The following SMARCA4 variants were observed in gnomAD, a reference collection of about 807,000 sequenced individuals.
SMARCA4 encodes the protein SWI/SNF-related matrix-associated actin-dependent regulator of chromatin subfamily A member 4.
In SMARCA4, 31 loss-of-function variants were observed where a neutral mutation model predicts 193.9. That is an observed-to-expected ratio of 0.16 (90% confidence interval 0.12 to 0.22). The LOEUF (loss-of-function observed/expected upper bound fraction) is 0.22. Ranked by LOEUF, SMARCA4 falls within the 10% of genes least tolerant of loss-of-function variation. The pLI is 1.00. For synonymous variants in SMARCA4, 942 were observed against 933.1 expected (o/e 1.01, Z -0.17); for missense variants, 1,148 against 2,296.0 (o/e 0.50, Z 10.22).
At chr19:10,963,370 CAAAAAAAAAAA>C (rs755616481) in intron 1 of SMARCA4, among the ~76,000 whole-genome samples, 6 of 53,134 alleles carry the variant, frequency 1.1e-4, no homozygotes, top group African/African-American at 3.5e-4. Flanking sequence ...AAGACTGTCT[CAAAAAAAAAAA>C]AAAAAAAAAA....
At chr19:11,023,682 T>G (rs2090035812) in intron 20 of SMARCA4, 51 bp downstream of exon 20, 1 of 1,150,062 alleles carries the variant, frequency 8.7e-7, no homozygotes. Context: ...ACGTGGGGGC[T>G]TTCTCCAGGG....
At chr19:11,026,979 A>T (rs1373414524) in intron 23 of SMARCA4, among the ~76,000 whole-genome samples, 1 of 152,202 alleles carries the variant, frequency 6.6e-6, no homozygotes, top group African/African-American at 2.4e-5. Context: ...CACTCTTTAC[A>T]TCATGTGGGT....
At chr19:10,969,680 T>G (rs1232612998) in intron 1 of SMARCA4, among the ~76,000 whole-genome samples, 1 of 152,176 alleles carries the variant, frequency 6.6e-6, no homozygotes, top group Non-Finnish European at 1.5e-5. Flanking sequence ...TCCACCTGCC[T>G]CAGCCTCCCG....
intron 1 of SMARCA4, among the ~76,000 whole-genome samples, chr19:10,980,266 A>G (rs2085455627): frequency 6.6e-6 from 1 of 152,070 alleles, no homozygotes; most frequent in Non-Finnish European, 1.5e-5. Context: ...TTTCAGGAGG[A>G]GAGGCCATTC....
chr19:10,978,675 C>T (rs528150608), intron 1 of SMARCA4, among the ~76,000 whole-genome samples: 218 of 149,958 alleles, frequency 1.5e-3, no homozygotes, highest in African/African-American at 4.6e-3. Context: ...TGTGGTGGCT[C>T]GTGCCTGTAA....
At chr19:10,964,403 C>G (rs888958754) in intron 1 of SMARCA4, among the ~76,000 whole-genome samples, 2 of 149,326 alleles carry the variant, frequency 1.3e-5, no homozygotes, top group African/African-American at 4.9e-5. Context: ...CTCTGCCTCC[C>G]GGGTTCAAGC....
rs2146452468 is a variant in SMARCA4 at position 11,023,539 on chromosome 19, A to G, written c.2881A>G (p.Thr961Ala). ...GEKVDLNEEE[T>A]ILIIRRLHKV... ...CCAGGTGGACCTGAATGAGGAGGAA[A>G]CCATTCTCATCATCCGGCGTCTCCA... The change falls in exon 20 of 35, where the codon ACC (threonine) becomes GCC (alanine). Residue 961 changes from threonine (T) to alanine (A), a missense_variant. Thr to Ala is a moderately conservative substitution (Grantham distance 58). This residue lies in a region of SMARCA4 where 74 missense variants were observed against 392.3 expected (regional missense o/e 0.19). Transcript: ENST00000344626. 1 of 1,612,076 alleles carries G rather than the reference A, an allele frequency of 6.2e-7. No homozygotes were observed. The highest frequency in any genetic ancestry group is 8.5e-7 in the Non-Finnish European group (1 of 1,178,526).
At chr19:10,998,382 G>T (rs1336261140) in intron 11 of SMARCA4, among the ~76,000 whole-genome samples, 2 of 152,124 alleles carry the variant, frequency 1.3e-5, no homozygotes, top group Non-Finnish European at 2.9e-5. Flanking sequence ...CCTGCCAAGG[G>T]ATCTCCACTG....
chr19:11,040,953 G>A, intron 29 of SMARCA4: 1 of 226,224 alleles, frequency 4.4e-6, no homozygotes, highest in South Asian at 1.1e-4. Flanking sequence ...AAATAGATGG[G>A]GAGAGTGTGG....
intron 22 of SMARCA4, 50 bp downstream of exon 22, chr19:11,025,558 C>G (rs779339739): frequency 7.4e-7 from 1 of 1,352,884 alleles, no homozygotes; most frequent in Non-Finnish European, 1.1e-6. Flanking sequence ...CTGCTGAGCT[C>G]CTAGGCAGAG....
chr19:11,015,361 G>A lies in SMARCA4; in HGVS notation c.2438+2249G>A, dbSNP rs577189153. Among the ~76,000 whole-genome samples the A allele has an allele frequency of 5.9e-5, 9 of 152,212 alleles. No homozygotes were observed. In the East Asian group the frequency reaches 7.7e-4, roughly 13 times the overall value. ...CATGCCTGTGGCAGTTCCTCATTTCGTCTTTGTCCTGGTCGAGCTTGACGC... is the reference window on the plus strand; with the variant it reads ...CATGCCTGTGGCAGTTCCTCATTTCATCTTTGTCCTGGTCGAGCTTGACGC... On this transcript the variant is annotated intron_variant, in intron 16 of 34. Transcript: ENST00000344626.
rs771723542 is a variant in SMARCA4, at chr19:11,010,487, A to G, written c.2230A>G (p.Lys744Glu). Residue 744 changes from lysine (K) to glutamate (E), a missense_variant, in exon 15 of 35, where the codon AAG becomes GAG. Around this residue, in one of 17 missense-constraint regions of SMARCA4, gnomAD observed 9 missense variants for 16.2 expected, o/e 0.56. Transcript: ENST00000344626. ...VAHAVTERVDKQSALMVNGVL... is the reference protein window; with the variant it reads ...VAHAVTERVDEQSALMVNGVL... The stretch of plus-strand genomic sequence containing the variant: ...CCATGCTGTCACTGAGAGAGTGGAC[A>G]AGCAGTCAGCGCTTATGGTCAATGG... 3 of 1,614,108 alleles carry G rather than the reference A, an allele frequency of 1.9e-6. No individual in the cohort carries two copies. Among genetic ancestry groups the G allele is most frequent in the Non-Finnish European group, 2.5e-6 (3 of 1,180,010 alleles).
At chr19:11,022,506 C>T (rs757609088) in intron 19 of SMARCA4, among the ~76,000 whole-genome samples, 2 of 152,222 alleles carry the variant, frequency 1.3e-5, no homozygotes, top group Non-Finnish European at 2.9e-5. Flanking sequence ...AGTGGTCCCA[C>T]ACCAGCACTG....
chr19:11,045,440 G>A (rs1452201937), intron 30 of SMARCA4, among the ~76,000 whole-genome samples: 1 of 152,168 alleles, frequency 6.6e-6, no homozygotes, highest in Non-Finnish European at 1.5e-5. Flanking sequence ...GCCACACGAC[G>A]AGCCTTCTAG....
chr19:10,994,746 C>G (rs2145933000), intron 8 of SMARCA4, 82 bp from the exon 9 acceptor site: 1 of 1,277,870 alleles, frequency 7.8e-7, no homozygotes. Flanking sequence ...GGCCAATATT[C>G]TAGGTTTTAA....
intron 1 of SMARCA4, among the ~76,000 whole-genome samples, chr19:10,970,333 G>A (rs548236889): frequency 4.4e-4 from 67 of 152,342 alleles, no homozygotes; most frequent in Middle Eastern, 6.8e-3. Flanking sequence ...GGAGGGGGTT[G>A]TGGGAATTCC....
chr19:10,996,676 C>CAGAGGACA, intron 11 of SMARCA4, 132 bp downstream of exon 11: 4 of 878,404 alleles, frequency 4.6e-6, no homozygotes, highest in Non-Finnish European at 7.5e-6. Flanking sequence ...CCCAGGGTGT[C>CAGAGGACA]CTCTGACGCC....
chr19:11,013,720 G>A (rs2089080972), intron 16 of SMARCA4, among the ~76,000 whole-genome samples: 1 of 152,114 alleles, frequency 6.6e-6, no homozygotes, highest in Admixed American at 6.5e-5. Context: ...TAGAAAAGTA[G>A]GGTGAGGCCA....
intron 1 of SMARCA4, among the ~76,000 whole-genome samples, chr19:10,974,689 A>ATTTTT (rs74182450): frequency 2.7e-5 from 1 of 37,170 alleles, no homozygotes; most frequent in African/African-American, 1.5e-4. Context: ...ATATATATAT[A>ATTTTT]TTTTTTTTTT....
Sources: gnomAD v4.1 joint callset for allele counts (sites outside exome capture counted in the v4.1 genomes callset) on GRCh38, gnomAD v4.1.1 for gene constraint, gnomAD v4.1.1 regional missense constraint, MANE v1.5 for transcripts, NCBI Gene and HGNC (gene_info 2026-07-23, HGNC 2026-07-21) for gene names.